Variants in NYAP2 observed in about 807,000 individuals in gnomAD.
NYAP2 encodes neuronal tyrosine-phosphorylated phosphoinositide-3-kinase adaptor 2.
NYAP2 carries 23 observed loss-of-function variants against 50.4 expected under a neutral mutation model. That is an observed-to-expected ratio of 0.46 (90% CI 0.33 to 0.65). The LOEUF is 0.65. NYAP2 is among the 30% of genes least tolerant of loss of function. The pLI is 0.02. For missense variants in NYAP2, 885 were observed against 861.0 expected (o/e 1.03, Z -0.35); for synonymous variants, 394 against 365.2 (o/e 1.08, Z -0.90).
the NYAP2 span, among the ~76,000 whole-genome samples, chr2:225,670,599 A>AT: frequency 1.3e-5 from 1 of 79,922 alleles, no homozygotes; most frequent in Non-Finnish European, 2.3e-5. Context: ...CGTCTTCAGT[A>AT]TTTTCCAAAA....
chr2:225,478,868 T>C (rs1452297590), intron 3 of NYAP2, among the ~76,000 whole-genome samples: 1 of 152,114 alleles, frequency 6.6e-6, no homozygotes, highest in Non-Finnish European at 1.5e-5. Context: ...CACCTATTAG[T>C]ATAGGAGCAT....
chr2:225,603,564 G>A (rs978888319), intron 5 of NYAP2, among the ~76,000 whole-genome samples: 9 of 152,178 alleles, frequency 5.9e-5, no homozygotes, highest in Middle Eastern at 3.4e-3. Context: ...AGGATTCTAA[G>A]TGATTCCAGA....
chr2:225,448,625 G>A (rs1689599824), intron 3 of NYAP2, among the ~76,000 whole-genome samples: 1 of 152,090 alleles, frequency 6.6e-6, no homozygotes, highest in Non-Finnish European at 1.5e-5. Context: ...GTGCCTGTCT[G>A]CATCCAGGTT....
At chr2:225,426,287 T>C (rs183159456) in intron 3 of NYAP2, among the ~76,000 whole-genome samples, 1 of 152,308 alleles carries the variant, frequency 6.6e-6, no homozygotes, top group Admixed American at 6.5e-5. Flanking sequence ...TTACTCAGAC[T>C]CACTGGGCTG....
Position 225,618,454 on chromosome 2 carries a change from G to C in NYAP2, c.1619-8463G>C, listed in dbSNP as rs965762476. On this transcript the variant is annotated intron_variant, in intron 5 of 6. Transcript: ENST00000636099. ...AGGTGAAAGTATTACAATATGGCAG[G>C]CTCCGAGGTCACTTTCTTTAGGGCA... 2.0e-5 allele frequency among the ~76,000 whole-genome samples: 3 copies of C among 152,142 alleles called. No individual in the cohort carries two copies. The East Asian group carries it at 5.8e-4, about 29-fold the overall frequency.
intron 3 of NYAP2, among the ~76,000 whole-genome samples, chr2:225,412,455 G>C (rs976690007): frequency 6.6e-6 from 1 of 151,576 alleles, no homozygotes; most frequent in Admixed American, 6.6e-5. Context: ...GATGGAGCAC[G>C]GACTGCTCAG....
At chr2:225,509,592 C>T (rs1690773275) in intron 3 of NYAP2, among the ~76,000 whole-genome samples, 2 of 152,146 alleles carry the variant, frequency 1.3e-5, no homozygotes, top group South Asian at 4.1e-4. Flanking sequence ...TTGCCCGTTA[C>T]CCACTACACA....
chr2:225,542,883 G>A (rs1245049696), intron 4 of NYAP2, among the ~76,000 whole-genome samples: 2 of 152,036 alleles, frequency 1.3e-5, no homozygotes, highest in Non-Finnish European at 2.9e-5. Context: ...CAGCAATAAA[G>A]CCATCAGGTC....
downstream of NYAP2, among the ~76,000 whole-genome samples, chr2:225,657,078 A>G (rs142501625): frequency 7.0e-6 from 1 of 143,690 alleles, no homozygotes; most frequent in African/African-American, 2.6e-5. Flanking sequence ...TAAGGCCTAG[A>G]GTGTGAAATG....
intron 3 of NYAP2, among the ~76,000 whole-genome samples, chr2:225,469,001 G>A (rs2106158018): frequency 6.6e-6 from 1 of 152,184 alleles, no homozygotes; most frequent in Non-Finnish European, 1.5e-5. Flanking sequence ...GGCAACAAAA[G>A]CCAAAATTGA....
intron 3 of NYAP2, among the ~76,000 whole-genome samples, chr2:225,428,945 A>G (rs1427229739): frequency 5.9e-5 from 9 of 152,220 alleles, no homozygotes; most frequent in Admixed American, 4.6e-4. Flanking sequence ...CTTATTATAT[A>G]ACATATCCTA....
chr2:225,671,933 C>T, the NYAP2 span, among the ~76,000 whole-genome samples: 1 of 151,956 alleles, frequency 6.6e-6, no homozygotes, highest in Non-Finnish European at 1.5e-5. Flanking sequence ...TAGGTCTCAA[C>T]ATGGGCTTTA....
chr2:225,435,649 A>C (rs1467137772), intron 3 of NYAP2, among the ~76,000 whole-genome samples: 2 of 152,172 alleles, frequency 1.3e-5, no homozygotes, highest in Non-Finnish European at 2.9e-5. Flanking sequence ...TTCTTTTTCT[A>C]ATTAATTTCC....
chr2:225,660,798 T>C, the NYAP2 span, among the ~76,000 whole-genome samples: 1 of 152,232 alleles, frequency 6.6e-6, no homozygotes, highest in Admixed American at 6.5e-5. Context: ...CTGATGATTT[T>C]TGTTTTGAAT....
intron 3 of NYAP2, among the ~76,000 whole-genome samples, chr2:225,476,788 C>T (rs988458819): frequency 2.0e-5 from 3 of 151,860 alleles, no homozygotes; most frequent in African/African-American, 7.3e-5. Context: ...ATACAATAGA[C>T]CTAAGTAACT....
intron 4 of NYAP2, among the ~76,000 whole-genome samples, chr2:225,544,331 T>G (rs1216180080): frequency 2.6e-5 from 4 of 151,962 alleles, no homozygotes; most frequent in African/African-American, 9.7e-5. Flanking sequence ...CATTTTGTTA[T>G]TCATTTTCTG....
chr2:225,699,042 A>G, the NYAP2 span: 1 of 151,928 alleles, frequency 6.6e-6, no homozygotes, highest in African/African-American at 2.4e-5. Flanking sequence ...TAGAAGTTGA[A>G]TATCATATTT....
intron 4 of NYAP2, among the ~76,000 whole-genome samples, chr2:225,573,001 A>G (rs899062406): frequency 2.0e-5 from 3 of 152,116 alleles, no homozygotes; most frequent in Admixed American, 1.3e-4. Context: ...TCCTCTCTGA[A>G]TCATCCTGTG....
chr2:225,581,362 T>C (rs1354948985), intron 4 of NYAP2, among the ~76,000 whole-genome samples: 1 of 152,236 alleles, frequency 6.6e-6, no homozygotes, highest in African/African-American at 2.4e-5. Flanking sequence ...TCATAAGATT[T>C]TCACATCAAT....
Sources: gnomAD v4.1 joint callset for allele counts (sites outside exome capture counted in the v4.1 genomes callset) on GRCh38, gnomAD v4.1.1 for gene constraint, MANE v1.5 for transcripts, NCBI Gene and HGNC (gene_info 2026-07-23, HGNC 2026-07-21) for gene names.